Variants in TRPM1 observed in about 807,000 individuals in gnomAD.
The protein encoded by TRPM1 is TRPM1-203 APA Isoform, Intron 10.
TRPM1 carries 113 observed loss-of-function variants against 149.4 expected under a neutral mutation model. That is an observed-to-expected ratio of 0.76 (90% CI 0.65 to 0.88). The LOEUF is 0.88. Ranked by LOEUF, TRPM1 falls within the 40% of genes least tolerant of loss-of-function variation. The pLI is 0.00. For missense variants in TRPM1, 1,976 were observed against 2,038.7 expected (o/e 0.97, Z 0.59); for synonymous variants, 741 against 759.5 (o/e 0.98, Z 0.40).
In TRPM1 at chr15:31,047,182, C is replaced by T. The variant is rs181976061; in HGVS notation, c.1693G>A (p.Gly565Arg). The change falls in exon 15 of 28, where the codon GGA (glycine) becomes AGA (arginine). Residue 565 changes from glycine (G) to arginine (R), a missense_variant. Around this residue, in one of 3 missense-constraint regions of TRPM1, gnomAD observed 1,332 missense variants for 1,347.1 expected, o/e 0.99. Coordinates refer to ENST00000256552, the MANE Select transcript of TRPM1 (RefSeq NM_001252024.2). ...IGLVLEYLMG[G>R]AYRCNYTRKN... ...CGAGTGTAGTTGCAGCGGTAGGCTC[C>T]TCCCATGAGGTACTCCAGCACGAGC... is the stretch of plus-strand genomic sequence containing the variant. The T allele has an allele frequency of 5.2e-5, 84 of 1,614,204 alleles. No individual in the cohort carries two copies. In the East Asian group the frequency reaches 1.7e-3, roughly 33 times the overall value.
At chr15:31,037,878 G>A in intron 19 of TRPM1, 36 bp from the exon 20 acceptor site, 2 of 1,613,874 alleles carry the variant, frequency 1.2e-6, no homozygotes, top group East Asian at 2.2e-5. Context: ...CAGGCAGGTG[G>A]CTAAATGGGA....
chr15:31,035,872 T>G, intron 20 of TRPM1, 198 bp from the exon 21 acceptor site: 1 of 688,884 alleles, frequency 1.5e-6, no homozygotes, highest in Non-Finnish European at 2.5e-6. Context: ...CATTTTATAC[T>G]TCAGCACGAT....
At position 31,002,132 on chromosome 15, in the gene TRPM1, T is replaced by C. The variant is rs755670167; in HGVS notation, c.4568A>G (p.Gln1523Arg). 6.2e-7 allele frequency: 1 copy of C among 1,614,244 alleles called. No homozygotes were observed. Among genetic ancestry groups the C allele is most frequent in the Non-Finnish European group, 8.5e-7 (1 of 1,180,042 alleles). ...EAAVQAEHKE[Q>R]FADMQDEHHV... ...GTGTTCATCTTGCATATCTGCAAAC[T>C]GCTCTTTATGCTCAGCTTGCACTGC... The change falls in exon 28 of 28, where the codon CAG (glutamine) becomes CGG (arginine). Residue 1523 changes from glutamine (Q) to arginine (R), a missense_variant. Coordinates refer to ENST00000256552, the MANE Select transcript of TRPM1 (RefSeq NM_001252024.2).
chr15:31,057,613 T>C (rs2034118713), intron 11 of TRPM1, among the ~76,000 whole-genome samples: 1 of 152,250 alleles, frequency 6.6e-6, no homozygotes. Context: ...GTAATATCTG[T>C]ATGGCTTCAT....
At chr15:31,004,938 C>T (rs1400573375) in intron 27 of TRPM1, among the ~76,000 whole-genome samples, 1 of 151,942 alleles carries the variant, frequency 6.6e-6, no homozygotes, top group Non-Finnish European at 1.5e-5. Flanking sequence ...CCTGTCTCTA[C>T]TGAAAACACA....
chr15:31,058,006 T>G (rs191500253), intron 11 of TRPM1, among the ~76,000 whole-genome samples: 71 of 152,292 alleles, frequency 4.7e-4, no homozygotes, highest in African/African-American at 1.6e-3. Context: ...CATTTGGAGA[T>G]GTGAGTCAAT....
chr15:31,125,661 C>T (rs1358779966), intron 1 of TRPM1, among the ~76,000 whole-genome samples: 17 of 115,584 alleles, frequency 1.5e-4, no homozygotes, highest in African/African-American at 2.7e-4. Flanking sequence ...ACCCGGGAGG[C>T]GGAGCTTGCA....
In TRPM1 at chr15:31,040,111, C is replaced by T. The variant is rs1444420997; in HGVS notation, c.2316+7G>A. Reference sequence around the variant, plus strand: ...CCCTGGCCCGCCTCGCAGCACGTTGCACGCACCTTCAGGCCGGGGTTCTTC... The same window carrying T: ...CCCTGGCCCGCCTCGCAGCACGTTGTACGCACCTTCAGGCCGGGGTTCTTC... On this transcript the variant is annotated splice_region_variant and intron_variant, in intron 18 of 27. Coordinates refer to ENST00000256552, the MANE Select transcript of TRPM1 (RefSeq NM_001252024.2). The surrounding 1 kb of genome is among the most constrained non-coding windows in gnomAD (Gnocchi z 4.2). 5.6e-6 allele frequency: 9 copies of T among 1,613,924 alleles called. No individual in the cohort carries two copies. Among genetic ancestry groups the T allele is most frequent in the Non-Finnish European group, 6.8e-6 (8 of 1,179,774 alleles).
Position 31,028,413 on chromosome 15 carries a change from G to T in TRPM1, c.3212C>A (p.Ala1071Asp). 6.2e-7 allele frequency: 1 copy of T among 1,614,152 alleles called. No individual in the cohort carries two copies. Among genetic ancestry groups the T allele is most frequent in the South Asian group, 1.1e-5 (1 of 91,086 alleles). ...CGCCATGAGTGCTGGAGTGAGCCAG[G>T]CGCCGGGGATACAGGGAGGAAGCCG... The part of the protein sequence containing the change: ...GKRLPPCIPG[A>D]WLTPALMACY... The change falls in exon 25 of 28, where the codon GCC (alanine) becomes GAC (aspartate). Residue 1071 changes from alanine (A) to aspartate (D), a missense_variant. By Grantham distance (126) the Ala-to-Asp change is moderately radical (BLOSUM62 -2). Coordinates refer to ENST00000256552, the MANE Select transcript of TRPM1 (RefSeq NM_001252024.2).
At chr15:31,098,953 TA>T (rs2035455552) in intron 1 of TRPM1, among the ~76,000 whole-genome samples, 1 of 152,182 alleles carries the variant, frequency 6.6e-6, no homozygotes, top group Admixed American at 6.5e-5. Context: ...CTTGTTTTCT[TA>T]AAGTCAGCTC....
chr15:31,142,993 C>G (rs947076442), intron 1 of TRPM1, among the ~76,000 whole-genome samples: 6 of 152,180 alleles, frequency 3.9e-5, no homozygotes, highest in African/African-American at 1.4e-4. Context: ...ATTTTCCTGT[C>G]AATTGCATCC....
rs201162331 is a variant in TRPM1 at position 31,070,052 on chromosome 15, G to A, written c.258C>T (p.Gly86=). ...TCACCATGGCTTTATTGGAATATCC[G>A]CCACCCTGGAATTCAAGAACTCCAT... is the stretch of plus-strand genomic sequence containing the variant. ...DSYGVLEFQG[G]GYSNKAMYIR... is the part of the protein sequence containing the mutation. Residue 86 remains glycine, a synonymous_variant, in exon 4 of 28, where the codon GGC becomes GGT. Coordinates refer to ENST00000256552, the MANE Select transcript of TRPM1 (RefSeq NM_001252024.2). The A allele has an allele frequency of 2.8e-4, 458 of 1,614,122 alleles. 3 individuals carry two copies. In the South Asian group the frequency reaches 3.3e-3, roughly 12 times the overall value.
At chr15:31,087,928 A>C (rs907429604) in intron 1 of TRPM1, among the ~76,000 whole-genome samples, 2 of 152,212 alleles carry the variant, frequency 1.3e-5, no homozygotes, top group African/African-American at 4.8e-5. Flanking sequence ...CAACAATGTG[A>C]ATGTACTTAA....
intron 15 of TRPM1, 133 bp from the exon 16 acceptor site, chr15:31,046,366 AATATC>A: frequency 2.4e-6 from 2 of 836,206 alleles, no homozygotes; most frequent in Non-Finnish European, 2.0e-6. Flanking sequence ...AATTAATGAT[AATATC>A]CAAGGAAAAG....
chr15:31,070,774 C>T (rs1274260315), intron 3 of TRPM1, among the ~76,000 whole-genome samples: 2 of 152,122 alleles, frequency 1.3e-5, no homozygotes, highest in Non-Finnish European at 2.9e-5. Flanking sequence ...AGGCTGGTCT[C>T]GAACTCCTGG....
chr15:31,107,994 A>T (rs1259365538), intron 1 of TRPM1, among the ~76,000 whole-genome samples: 1 of 151,958 alleles, frequency 6.6e-6, no homozygotes. Context: ...AGTAGCTGGG[A>T]TTATAGGTGT....
intron 1 of TRPM1, among the ~76,000 whole-genome samples, chr15:31,088,693 G>A (rs191484190): frequency 9.2e-5 from 14 of 152,230 alleles, no homozygotes; most frequent in Non-Finnish European, 2.1e-4. Context: ...AGCCTTTTTG[G>A]GATTTGGGGG....
At chr15:31,082,612 G>A (rs536694921) in intron 1 of TRPM1, among the ~76,000 whole-genome samples, 98 of 152,332 alleles carry the variant, frequency 6.4e-4, no homozygotes, top group Middle Eastern at 6.8e-3. Flanking sequence ...TGTCCATGAA[G>A]GGCCACGGGG....
chr15:31,156,401 C>A (rs916968469), intron 1 of TRPM1, among the ~76,000 whole-genome samples: 3 of 151,996 alleles, frequency 2.0e-5, no homozygotes, highest in Admixed American at 6.6e-5. Flanking sequence ...TTTTAAAGAC[C>A]TGAACAGGAA....
Sources: gnomAD v4.1 joint callset for allele counts (sites outside exome capture counted in the v4.1 genomes callset) on GRCh38, gnomAD v4.1.1 for gene constraint, gnomAD v4.1.1 regional missense constraint, Gnocchi (gnomAD v3.1) non-coding constraint, MANE v1.5 for transcripts, NCBI Gene and HGNC (gene_info 2026-07-23, HGNC 2026-07-21) for gene names.